The following UGT3A1 variants were observed in gnomAD, a reference collection of about 807,000 sequenced individuals.
The protein encoded by UGT3A1 is UDP-glycosyltransferase 3A1.
In UGT3A1, 40 loss-of-function variants were observed where a neutral mutation model predicts 37.6. That is an observed-to-expected ratio of 1.06 (90% CI 0.83 to 1.38). The LOEUF (loss-of-function observed/expected upper bound fraction) is 1.38. Ranked by LOEUF, UGT3A1 falls within the 40% of genes most tolerant of loss-of-function variation. The pLI is 0.00. For synonymous variants in UGT3A1, 256 were observed against 232.3 expected (o/e 1.10, Z -0.93); for missense variants, 642 against 634.2 (o/e 1.01, Z -0.13).
chr5:35,987,393 C>T (rs992488987), intron 2 of UGT3A1, among the ~76,000 whole-genome samples: 13 of 152,138 alleles, frequency 8.5e-5, no homozygotes, highest in African/African-American at 3.1e-4. Context: ...TAAAGCTGAA[C>T]AGATTCATGA....
chr5:35,996,022 C>CAAAA (rs111488776), upstream of UGT3A1, among the ~76,000 whole-genome samples: 6 of 111,244 alleles, frequency 5.4e-5, no homozygotes, highest in African/African-American at 1.3e-4. Context: ...TGCGCTATGA[C>CAAAA]AAAAAAAAAA....
upstream of UGT3A1, among the ~76,000 whole-genome samples, chr5:35,994,861 G>A (rs1328662986): frequency 6.6e-6 from 1 of 152,102 alleles, no homozygotes; most frequent in Non-Finnish European, 1.5e-5. Context: ...ACTCCGGATG[G>A]GTATTGTGGC....
chr5:35,985,091 A>AAAAG (rs922587469), intron 2 of UGT3A1, among the ~76,000 whole-genome samples: 2 of 149,992 alleles, frequency 1.3e-5, no homozygotes, highest in African/African-American at 2.4e-5. Flanking sequence ...AAAAAAAAAA[A>AAAAG]AAAAGAAATT....
chr5:35,983,284 AC>A (rs1485439165), intron 2 of UGT3A1, among the ~76,000 whole-genome samples: 1 of 152,210 alleles, frequency 6.6e-6, no homozygotes, highest in Non-Finnish European at 1.5e-5. Flanking sequence ...CAATATGCCA[AC>A]AAATTGGAAA....
chr5:35,973,011 G>A (rs975310230), intron 2 of UGT3A1, among the ~76,000 whole-genome samples: 1 of 152,214 alleles, frequency 6.6e-6, no homozygotes, highest in Non-Finnish European at 1.5e-5. Context: ...TTCTGCTAAA[G>A]TCAAGGCAAT....
intron 6 of UGT3A1, 143 bp from the exon 7 acceptor site, chr5:35,954,621 C>T: frequency 9.7e-7 from 1 of 1,032,930 alleles, no homozygotes; most frequent in Non-Finnish European, 1.4e-6. Flanking sequence ...AATTTGTTGG[C>T]ATGGCCTTGC....
In UGT3A1 at chr5:35,954,207, T is replaced by C. The variant is rs143453709; in HGVS notation, c.1567A>G (p.Thr523Ala). The part of the protein sequence containing the change: ...WLRGARKVKK[T>A] ...ACCCAAGGCTACACCTAGCCTCATG[T>C]CTTCTTCACCTTCCTGGCCCCACGC... Residue 523 changes from threonine to alanine, a missense_variant, in exon 7 of 7, where the codon ACA becomes GCA. Thr to Ala is a moderately conservative substitution (Grantham distance 58). Transcript: ENST00000274278. 1 of 1,613,836 alleles carries C rather than the reference T, an allele frequency of 6.2e-7. No individual in the cohort carries two copies. Among genetic ancestry groups the C allele is most frequent in the Admixed American group, 1.7e-5 (1 of 60,012 alleles).
At chr5:35,999,299 A>G (rs1346866646) in intron 1 of UGT3A1, among the ~76,000 whole-genome samples, 1 of 151,970 alleles carries the variant, frequency 6.6e-6, no homozygotes, top group Non-Finnish European at 1.5e-5. Context: ...TAAAACCAAA[A>G]CGTTTGGCAA....
At position 35,955,690 on chromosome 5, in the gene UGT3A1, G is replaced by A. The variant is rs778521267; in HGVS notation, c.1250C>T (p.Ala417Val). 4.3e-6 allele frequency: 7 copies of A among 1,614,004 alleles called. No individual in the cohort carries two copies. The highest frequency in any genetic ancestry group is 1.3e-5 in the African/African-American group (1 of 74,894). The part of the protein sequence containing the change: ...GVSIRLNQVT[A>V]DTLTLTMKQV... Reference sequence around the variant, plus strand: ...TTTCATTGTAAGTGTCAGTGTGTCGGCTGTGACCTGATTCAACCGGATAGA... The same window carrying A: ...TTTCATTGTAAGTGTCAGTGTGTCGACTGTGACCTGATTCAACCGGATAGA... The change falls in exon 6 of 7, where the codon GCC becomes GTC. Residue 417 changes from alanine (A) to valine (V), a missense_variant. Coordinates refer to ENST00000274278, the MANE Select transcript of UGT3A1 (RefSeq NM_152404.4).
chr5:35,977,892 A>C (rs183463600), intron 2 of UGT3A1, among the ~76,000 whole-genome samples: 15 of 152,332 alleles, frequency 9.8e-5, no homozygotes, highest in Admixed American at 9.2e-4. Context: ...GGGAGCTGGA[A>C]GGTGGGATGA....
chr5:35,971,029 G>T (rs1472412620), intron 2 of UGT3A1, among the ~76,000 whole-genome samples: 3 of 152,110 alleles, frequency 2.0e-5, no homozygotes, highest in African/African-American at 7.2e-5. Context: ...ATTTCAATAG[G>T]ATCTCAGTCA....
upstream of UGT3A1, among the ~76,000 whole-genome samples, chr5:35,995,820 A>G (rs2111586963): frequency 6.6e-6 from 1 of 152,352 alleles, no homozygotes; most frequent in South Asian, 2.1e-4. Context: ...ATTATTTAAC[A>G]TATTTTGATA....
At chr5:35,991,523 G>C (rs1227446090), upstream of UGT3A1, 18 of 1,218,906 alleles carry the variant, frequency 1.5e-5, no homozygotes, top group South Asian at 2.6e-5. Flanking sequence ...CTCTGCCTGC[G>C]TAATCACAGC....
chr5:35,979,136 C>T (rs577641656), intron 2 of UGT3A1, among the ~76,000 whole-genome samples: 11 of 152,102 alleles, frequency 7.2e-5, no homozygotes, highest in African/African-American at 1.7e-4. Flanking sequence ...TCATGGGCAG[C>T]GGTTGAGTGT....
chr5:35,982,628 C>T (rs1580954404), intron 2 of UGT3A1, among the ~76,000 whole-genome samples: 2 of 152,200 alleles, frequency 1.3e-5, no homozygotes, highest in African/African-American at 2.4e-5. Context: ...AGAAGGTACT[C>T]GTCTTGCTTC....
chr5:35,968,357 T>C lies in UGT3A1; in HGVS notation c.197-224A>G, dbSNP rs1336301316. On this transcript the variant is annotated intron_variant, in intron 2 of 6. Transcript: ENST00000274278. ...GGCACTTTTATTCAATTTAAAGTTA[T>C]AAAAGTTTCCACTTAAAGCTTTCAT... Among the ~76,000 whole-genome samples, 5 of 152,352 alleles carry C rather than the reference T, an allele frequency of 3.3e-5. No individual in the cohort carries two copies. The East Asian group carries it at 7.7e-4, about 24-fold the overall frequency.
intron 2 of UGT3A1, among the ~76,000 whole-genome samples, chr5:35,976,762 A>G (rs945357747): frequency 3.3e-5 from 5 of 151,792 alleles, no homozygotes; most frequent in African/African-American, 1.2e-4. Flanking sequence ...CTTTAGCCCA[A>G]GTTTGAGGCT....
intron 6 of UGT3A1, 185 bp downstream of exon 6, chr5:35,955,460 C>T (rs1739314963): frequency 1.5e-6 from 1 of 669,488 alleles, no homozygotes; most frequent in East Asian, 2.7e-5. Flanking sequence ...TAATTCTCAG[C>T]ATCTAACCTA....
intron 2 of UGT3A1, among the ~76,000 whole-genome samples, chr5:35,969,070 T>C (rs763183082): frequency 6.6e-5 from 10 of 152,186 alleles, no homozygotes; most frequent in African/African-American, 1.9e-4. Context: ...ACTGGTTATG[T>C]GTCCCAATCA....
Sources: gnomAD v4.1 joint callset for allele counts (sites outside exome capture counted in the v4.1 genomes callset) on GRCh38, gnomAD v4.1.1 for gene constraint, MANE v1.5 for transcripts, NCBI Gene and HGNC (gene_info 2026-07-23, HGNC 2026-07-21) for gene names.